The following AOX1 variants were observed in gnomAD, a reference collection of about 807,000 sequenced individuals.
AOX1 encodes aldehyde oxidase.
In AOX1, 153 loss-of-function variants were observed where a neutral mutation model predicts 169.5. That is an observed-to-expected ratio of 0.90 (90% CI 0.79 to 1.03). The LOEUF is 1.03. Ranked by LOEUF, AOX1 falls within the 50% of genes least tolerant of loss-of-function variation. AOX1 has a pLI of 0.00. For missense variants in AOX1, 1,656 were observed against 1,663.9 expected (o/e 1.00, Z 0.08); for synonymous variants, 562 against 581.9 (o/e 0.97, Z 0.49).
chr2:200,623,079 T>A (rs557034199), intron 18 of AOX1, among the ~76,000 whole-genome samples: 1 of 152,344 alleles, frequency 6.6e-6, no homozygotes, highest in South Asian at 2.1e-4. Flanking sequence ...GGAAAAGACA[T>A]AATAGTTCAA....
chr2:200,612,997 T>C (rs2034672132), intron 14 of AOX1, among the ~76,000 whole-genome samples: 1 of 113,640 alleles, frequency 8.8e-6, no homozygotes. Context: ...TTATATACTC[T>C]GTGTGCGTGT....
rs760898835 is a variant in AOX1 at position 200,609,406 on chromosome 2, T to C, written c.1145T>C (p.Leu382Pro). ...LAVGNCTLNLLSKEGKRQIPL... is the reference protein window; with the variant it reads ...LAVGNCTLNLPSKEGKRQIPL... ...GTGGGTAACTGTACCCTCAACTTGC[T>C]ATCAAAAGGTAAGTGACAGCCCCTA... is the stretch of plus-strand genomic sequence containing the variant. Residue 382 changes from leucine to proline, a missense_variant, in exon 12 of 35, where the codon CTA becomes CCA. Transcript: ENST00000374700. 3.7e-6 allele frequency: 6 copies of C among 1,613,766 alleles called. No homozygotes were observed. The highest frequency in any genetic ancestry group is 4.2e-6 in the Non-Finnish European group (5 of 1,179,692).
At chr2:200,604,156 G>GTATT in intron 8 of AOX1, 59 bp downstream of exon 8, 1 of 1,316,340 alleles carries the variant, frequency 7.6e-7, no homozygotes, top group Non-Finnish European at 1.1e-6. Flanking sequence ...ATCAGGAAGG[G>GTATT]TATTTGTTTA....
At chr2:200,651,281 T>G in intron 26 of AOX1, 80 bp downstream of exon 26, 2 of 1,219,610 alleles carry the variant, frequency 1.6e-6, no homozygotes, top group Non-Finnish European at 2.4e-6. Flanking sequence ...AACTTCTCCT[T>G]AAGTCATATT....
Position 200,670,606 on chromosome 2 carries a change from A to T in AOX1, c.3967-23A>T, listed in dbSNP as rs776107685. ...TCACAAACATTTCCCAGGTTTGAAC[A>T]TCCAGATTTGTTTTTATTTTAGATT... On this transcript the variant is annotated intron_variant, in intron 34 of 34. Transcript: ENST00000374700. The T allele has an allele frequency of 3.1e-6, 5 of 1,605,422 alleles. No individual in the cohort carries two copies. In the South Asian group the frequency reaches 5.5e-5, roughly 18 times the overall value.
At chr2:200,674,433 G>T (rs1379452241), downstream of AOX1, among the ~76,000 whole-genome samples, 1 of 152,084 alleles carries the variant, frequency 6.6e-6, no homozygotes, top group African/African-American at 2.4e-5. Flanking sequence ...GCCTGGGTGG[G>T]GGGGGTGATA....
chr2:200,672,232 A>AT (rs1255997382), downstream of AOX1, among the ~76,000 whole-genome samples: 2 of 152,250 alleles, frequency 1.3e-5, no homozygotes, highest in East Asian at 3.8e-4. Flanking sequence ...ACGTGTGAAT[A>AT]TACTAAAAAC....
chr2:200,596,657 AG>A (rs1288547059), intron 3 of AOX1, among the ~76,000 whole-genome samples: 1 of 152,238 alleles, frequency 6.6e-6, no homozygotes, highest in Non-Finnish European at 1.5e-5. Context: ...TGTTTAAGGC[AG>A]GTTCCTTTTC....
At chr2:200,633,568 A>G (rs532958374) in intron 20 of AOX1, among the ~76,000 whole-genome samples, 14 of 150,950 alleles carry the variant, frequency 9.3e-5, no homozygotes, top group Admixed American at 7.2e-4. Flanking sequence ...TATACTTTCT[A>G]TTTCTTTGCT....
chr2:200,641,399 C>G (rs1171766552), intron 24 of AOX1, among the ~76,000 whole-genome samples: 2 of 152,106 alleles, frequency 1.3e-5, no homozygotes, highest in Admixed American at 6.6e-5. Context: ...GCTTCCCATA[C>G]TTAGAGCTCT....
At chr2:200,658,789 A>G (rs965036807) in intron 27 of AOX1, among the ~76,000 whole-genome samples, 1 of 152,178 alleles carries the variant, frequency 6.6e-6, no homozygotes, top group African/African-American at 2.4e-5. Flanking sequence ...GGAGATAGAC[A>G]TCTCCTATCA....
chr2:200,644,707 G>T (rs1239564757), intron 25 of AOX1, among the ~76,000 whole-genome samples: 1 of 151,944 alleles, frequency 6.6e-6, no homozygotes, highest in African/African-American at 2.4e-5. Flanking sequence ...CCATTTGTTT[G>T]TGTCATCCAG....
At chr2:200,663,032 C>T (rs2035858635) in intron 31 of AOX1, 63 bp downstream of exon 31, 3 of 1,295,034 alleles carry the variant, frequency 2.3e-6, no homozygotes, top group Admixed American at 1.7e-5. Flanking sequence ...CCACAGATGC[C>T]ATCTATCTGA....
chr2:200,673,361 C>CAG (rs1332249426), downstream of AOX1, among the ~76,000 whole-genome samples: 1 of 152,206 alleles, frequency 6.6e-6, no homozygotes, highest in Non-Finnish European at 1.5e-5. Context: ...CTTTTCTGTA[C>CAG]AGCCATCCAC....
Position 200,593,164 on chromosome 2 carries a change from G to C in AOX1, c.64G>C (p.Asp22His). ...NGRKVIEKNV[D>H]PETMLLPYLR... ...GGTATAGGTGATAGAAAAAAATGTC[G>C]ATCCTGAAACAATGCTGTTGCCTTA... Residue 22 changes from aspartate (D) to histidine (H), a missense_variant, in exon 2 of 35, where the codon GAT becomes CAT. By Grantham distance (81) the Asp-to-His change is moderately conservative. Coordinates refer to ENST00000374700, the MANE Select transcript of AOX1 (RefSeq NM_001159.4). 1.2e-6 allele frequency: 2 copies of C among 1,613,456 alleles called. No homozygotes were observed. The highest frequency in any genetic ancestry group is 1.1e-5 in the South Asian group (1 of 91,044).
chr2:200,599,654 G>A lies in AOX1; in HGVS notation c.344G>A (p.Gly115Asp). ...RIAKCHGTQC[G>D]FCTPGMVMSI... ...GCCAAGTGTCATGGCACCCAGTGTG[G>A]CTTCTGCACACCTGGGATGGTGATG... The change falls in exon 5 of 35, where the codon GGC (glycine) becomes GAC (aspartate). Residue 115 changes from glycine to aspartate, a missense_variant. Coordinates refer to ENST00000374700, the MANE Select transcript of AOX1 (RefSeq NM_001159.4). 5.0e-6 allele frequency: 8 copies of A among 1,612,478 alleles called. No homozygotes were observed. The highest frequency in any genetic ancestry group is 6.8e-6 in the Non-Finnish European group (8 of 1,179,060).
chr2:200,628,342 A>G (rs1442589857), intron 20 of AOX1, among the ~76,000 whole-genome samples: 1 of 152,186 alleles, frequency 6.6e-6, no homozygotes, highest in Non-Finnish European at 1.5e-5. Context: ...CACATATTCT[A>G]TTAATCTACA....
chr2:200,674,404 T>C (rs1265737215), downstream of AOX1, among the ~76,000 whole-genome samples: 1 of 151,818 alleles, frequency 6.6e-6, no homozygotes, highest in Admixed American at 6.6e-5. Context: ...GAACAAATGG[T>C]TTGGCCAGCT....
rs2034670522 is a variant in AOX1, at chr2:200,612,910, T to C, written c.1448+117T>C. The C allele has an allele frequency of 3.9e-6, 3 of 762,790 alleles. No individual in the cohort carries two copies. The East Asian group carries it at 8.1e-5, about 21-fold the overall frequency. 47.3% of individuals were successfully genotyped at this position (762,790 alleles called of 1,614,324 possible). A position where few individuals can be genotyped will look rare whatever the true frequency, so the allele number is the denominator to read the frequency against. On this transcript the variant is annotated intron_variant, in intron 14 of 34. Transcript: ENST00000374700. ...AAGAAAAGTGTTCCATACCTTTCTA[T>C]TTAATGGCTGGGAATTCCAATAAGA...
Sources: allele counts gnomAD v4.1 joint callset (sites outside exome capture counted in the v4.1 genomes callset), GRCh38; gene constraint gnomAD v4.1.1; transcripts MANE v1.5; gene names NCBI Gene and HGNC (gene_info 2026-07-23, HGNC 2026-07-21).